OR7E24: variants seen among roughly 807,000 people sequenced by gnomAD.
OR7E24 encodes the protein olfactory receptor family 7 subfamily E member 24.
For synonymous variants in OR7E24, 130 were observed against 157.5 expected (o/e 0.83, Z 1.31); for missense variants, 385 against 410.3 (o/e 0.94, Z 0.53).
At chr19:9,244,861 A>G (rs923982765), upstream of OR7E24, among the ~76,000 whole-genome samples, 1 of 152,132 alleles carries the variant, frequency 6.6e-6, no homozygotes, top group Non-Finnish European at 1.5e-5. Flanking sequence ...TAACAACCAA[A>G]CAATATTAAG....
chr19:9,241,004 G>T, the OR7E24 span, among the ~76,000 whole-genome samples: 1 of 152,022 alleles, frequency 6.6e-6, no homozygotes, highest in Non-Finnish European at 1.5e-5. Context: ...TTTTGATGGA[G>T]ATGGGGTTTC....
chr19:9,213,597 C>T, the OR7E24 span: 12 of 306,152 alleles, frequency 3.9e-5, no homozygotes, highest in Non-Finnish European at 5.5e-5. Flanking sequence ...AATTAGCTGG[C>T]TGTGGTGGCA....
chr19:9,206,948 G>T, the OR7E24 span: 2 of 152,150 alleles, frequency 1.3e-5, no homozygotes, highest in Non-Finnish European at 2.9e-5. Flanking sequence ...TTGAACCTGT[G>T]TGGGTCTGAG....
the OR7E24 span, chr19:9,214,295 C>T: frequency 1.2e-5 from 19 of 1,614,004 alleles, no homozygotes; most frequent in Admixed American, 6.7e-5. Flanking sequence ...GGACCTGAGC[C>T]GGTTCACAGA....
At chr19:9,214,818 G>A in the OR7E24 span, 3 of 1,605,240 alleles carry the variant, frequency 1.9e-6, no homozygotes, top group African/African-American at 1.3e-5. Context: ...TGATAATTCT[G>A]TAAGGTTTTC....
the OR7E24 span, among the ~76,000 whole-genome samples, chr19:9,241,955 G>A: frequency 6.6e-6 from 1 of 152,036 alleles, no homozygotes; most frequent in Non-Finnish European, 1.5e-5. Flanking sequence ...TTTATATACA[G>A]TCTTTAAAGT....
chr19:9,215,518 T>G, the OR7E24 span, among the ~76,000 whole-genome samples: 1 of 152,174 alleles, frequency 6.6e-6, no homozygotes, highest in South Asian at 2.1e-4. Flanking sequence ...TTCTAATAGA[T>G]GTACAATAGT....
chr19:9,235,508 G>C, the OR7E24 span: 10 of 1,579,488 alleles, frequency 6.3e-6, no homozygotes, highest in South Asian at 1.1e-4. Flanking sequence ...GCCTATGACC[G>C]GTTTGTGGCC....
the OR7E24 span, among the ~76,000 whole-genome samples, chr19:9,217,907 C>T: frequency 6.6e-6 from 1 of 152,004 alleles, no homozygotes; most frequent in African/African-American, 2.4e-5. Context: ...GAAGAGAATT[C>T]GAGATTGTCC....
At chr19:9,219,351 G>A in the OR7E24 span, 2 of 152,162 alleles carry the variant, frequency 1.3e-5, no homozygotes, top group East Asian at 1.9e-4. Flanking sequence ...GGATTCCAAG[G>A]AGTGAGAACA....
At chr19:9,214,650 A>T in the OR7E24 span, 22 of 1,614,088 alleles carry the variant, frequency 1.4e-5, no homozygotes, top group Admixed American at 3.7e-4. Context: ...CAGGTTGGAG[A>T]GGAAGAAGTA....
the OR7E24 span, among the ~76,000 whole-genome samples, chr19:9,226,209 A>G: frequency 6.6e-6 from 1 of 152,226 alleles, no homozygotes. Flanking sequence ...CCCTGGTACC[A>G]TAAAGAAATA....
the OR7E24 span, among the ~76,000 whole-genome samples, chr19:9,215,341 CAAAAAAAAAAAAA>C: frequency 1.2e-5 from 1 of 83,132 alleles, no homozygotes; most frequent in Admixed American, 1.6e-4. Context: ...GACTCCGTCT[CAAAAAAAAAAAAA>C]AAAAAAAAAA....
the OR7E24 span, chr19:9,235,628 T>C: frequency 1.9e-6 from 3 of 1,578,228 alleles, no homozygotes; most frequent in Middle Eastern, 1.7e-4. Context: ...CATATTCTAC[T>C]GATGAAGAGG....
At chr19:9,223,776 C>A in the OR7E24 span, among the ~76,000 whole-genome samples, 8 of 150,400 alleles carry the variant, frequency 5.3e-5, no homozygotes, top group Non-Finnish European at 1.2e-4. Context: ...ATCTCCTGCT[C>A]CCCAATGGAC....
At chr19:9,230,245 A>G in the OR7E24 span, among the ~76,000 whole-genome samples, 1 of 151,956 alleles carries the variant, frequency 6.6e-6, no homozygotes, top group Admixed American at 6.6e-5. Flanking sequence ...GGGTTTCTCC[A>G]TGTTGCTCAG....
the OR7E24 span, among the ~76,000 whole-genome samples, chr19:9,218,929 C>T: frequency 2.0e-5 from 3 of 151,104 alleles, no homozygotes; most frequent in Non-Finnish European, 4.4e-5. Context: ...CCACTACGTT[C>T]AGCCAAGGGA....
chr19:9,214,293 G>C, the OR7E24 span: 1 of 1,614,202 alleles, frequency 6.2e-7, no homozygotes, highest in Non-Finnish European at 8.5e-7. Flanking sequence ...GAGGACCTGA[G>C]CCGGTTCACA....
chr19:9,230,178 G>A, the OR7E24 span, among the ~76,000 whole-genome samples: 1 of 151,998 alleles, frequency 6.6e-6, no homozygotes, highest in Non-Finnish European at 1.5e-5. Context: ...CTGAGTAGCT[G>A]GGATTACAGG....
Sources: allele counts gnomAD v4.1 joint callset (sites outside exome capture counted in the v4.1 genomes callset), GRCh38; gene constraint gnomAD v4.1.1; transcripts MANE v1.5; gene names NCBI Gene and HGNC (gene_info 2026-07-23, HGNC 2026-07-21).